MICU1: variants seen among roughly 807,000 people sequenced by gnomAD.
MICU1 encodes calcium uptake protein 1, mitochondrial.
MICU1 carries 45 observed loss-of-function variants against 56.8 expected under a neutral mutation model. That is an observed-to-expected ratio of 0.79 (90% confidence interval 0.62 to 1.02). The LOEUF (loss-of-function observed/expected upper bound fraction) is 1.02, where lower values mean the gene tolerates loss of function less well. Ranked by LOEUF, MICU1 falls within the 50% of genes least tolerant of loss-of-function variation. The pLI is 0.00. For missense variants in MICU1, 504 were observed against 587.1 expected, an observed-to-expected ratio of 0.86 and a Z score of 1.46; for synonymous variants, 186 against 195.1, an observed-to-expected ratio of 0.95 and a Z score of 0.39.
At chr10:72,383,485 T>C (rs1169418229) in intron 10 of MICU1, among the ~76,000 whole-genome samples, 1 of 152,222 alleles carries the variant, frequency 6.6e-6, no homozygotes, top group East Asian at 1.9e-4. Context: ...TGTTTTGCTT[T>C]ACTCACTTAA....
At chr10:72,620,637 A>G (rs1842082005) in intron 1 of MICU1, among the ~76,000 whole-genome samples, 1 of 152,232 alleles carries the variant, frequency 6.6e-6, no homozygotes, top group Non-Finnish European at 1.5e-5. Flanking sequence ...ACTTAATATT[A>G]GTCTAGGAAA....
intron 6 of MICU1, among the ~76,000 whole-genome samples, chr10:72,489,290 T>TCACACACACACA (rs67070756): frequency 2.1e-5 from 3 of 141,648 alleles, no homozygotes; most frequent in South Asian, 2.3e-4. Context: ...CGAGACTCTG[T>TCACACACACACA]CACACACACA....
intron 9 of MICU1, among the ~76,000 whole-genome samples, chr10:72,411,244 G>A (rs1863801046): frequency 6.6e-6 from 1 of 152,144 alleles, no homozygotes; most frequent in Admixed American, 6.6e-5. Flanking sequence ...TCCGGTTTGG[G>A]AAGGTGAACG....
chr10:72,523,995 A>T, intron 5 of MICU1: 2 of 1,275,022 alleles, frequency 1.6e-6, no homozygotes, highest in Non-Finnish European at 2.0e-6. Context: ...GCAACCAAGC[A>T]ACTGCTTATT....
At chr10:72,494,413 A>G (rs1418855693) in intron 6 of MICU1, among the ~76,000 whole-genome samples, 2 of 152,062 alleles carry the variant, frequency 1.3e-5, no homozygotes, top group African/African-American at 4.8e-5. Flanking sequence ...CATAAAGAAA[A>G]AACACTTAGA....
At chr10:72,422,918 C>T (rs924752428) in intron 9 of MICU1, among the ~76,000 whole-genome samples, 2 of 146,956 alleles carry the variant, frequency 1.4e-5, no homozygotes, top group Non-Finnish European at 3.0e-5. Context: ...CCATGTTGGC[C>T]AGGCTGGTCT....
chr10:72,512,418 C>T (rs564599820), intron 5 of MICU1, among the ~76,000 whole-genome samples: 145 of 152,156 alleles, frequency 9.5e-4, no homozygotes, highest in African/African-American at 3.3e-3. Flanking sequence ...CCATACACAG[C>T]TCCTTAAGCC....
intron 6 of MICU1, among the ~76,000 whole-genome samples, chr10:72,479,552 A>C (rs1294299471): frequency 6.6e-6 from 1 of 152,216 alleles, no homozygotes; most frequent in African/African-American, 2.4e-5. Flanking sequence ...TTTTTGGGAC[A>C]GGGTCTTGTT....
At chr10:72,607,632 C>A in intron 1 of MICU1, among the ~76,000 whole-genome samples, 1 of 133,894 alleles carries the variant, frequency 7.5e-6, no homozygotes, top group Non-Finnish European at 1.6e-5. Flanking sequence ...AGCGAAACTC[C>A]ATCTCAAAAA....
At chr10:72,620,223 C>T (rs371752036) in intron 1 of MICU1, among the ~76,000 whole-genome samples, 3 of 152,210 alleles carry the variant, frequency 2.0e-5, no homozygotes, top group East Asian at 3.9e-4. Flanking sequence ...CTCACTCTGT[C>T]GCCCAGGCTG....
chr10:72,424,364 C>T (rs899156697), intron 8 of MICU1, among the ~76,000 whole-genome samples: 5 of 152,096 alleles, frequency 3.3e-5, no homozygotes, highest in Admixed American at 2.6e-4. Context: ...CCACTGGCCT[C>T]GGCCTCCCAA....
chr10:72,368,478 T>C, intron 11 of MICU1, 123 bp from the exon 12 acceptor site: 1 of 1,036,364 alleles, frequency 9.6e-7, no homozygotes, highest in Non-Finnish European at 1.4e-6. Context: ...CCAAACTCAA[T>C]TCTCTTATCC....
intron 1 of MICU1, among the ~76,000 whole-genome samples, chr10:72,615,728 C>T (rs1027601596): frequency 6.6e-6 from 1 of 152,114 alleles, no homozygotes; most frequent in Middle Eastern, 3.2e-3. Context: ...TGGCTCATCA[C>T]GCCTGTAATC....
chr10:72,582,159 C>T (rs1225292500), intron 1 of MICU1, among the ~76,000 whole-genome samples: 1 of 152,142 alleles, frequency 6.6e-6, no homozygotes, highest in African/African-American at 2.4e-5. Context: ...GAACTACTGA[C>T]GTCAGATGAC....
chr10:72,374,223 C>T (rs771343558), intron 11 of MICU1, among the ~76,000 whole-genome samples: 57 of 152,346 alleles, frequency 3.7e-4, no homozygotes, highest in Admixed American at 2.5e-3. Context: ...CCGCTTCAAG[C>T]GATCCTCTCA....
intron 6 of MICU1, among the ~76,000 whole-genome samples, chr10:72,503,969 G>A (rs1867161241): frequency 6.6e-6 from 1 of 151,724 alleles, no homozygotes; most frequent in African/African-American, 2.4e-5. Context: ...AAACACTGCT[G>A]AAAGAAATCA....
chr10:72,409,631 C>T (rs1019139676), intron 9 of MICU1, among the ~76,000 whole-genome samples: 1 of 152,180 alleles, frequency 6.6e-6, no homozygotes, highest in Non-Finnish European at 1.5e-5. Flanking sequence ...GCAGAGGTTG[C>T]AGGGAGCTGA....
At position 72,620,735 on chromosome 10, in the gene MICU1, A is replaced by C. The variant is rs113493218; in HGVS notation, c.-2+5275T>G. Among the ~76,000 whole-genome samples, 427 of 152,294 alleles carry C rather than the reference A, an allele frequency of 2.8e-3. 1 individual carries two copies. The highest frequency in any genetic ancestry group is 9.8e-3 in the African/African-American group (407 of 41,542). ...TCTAGCCATTTCTTGCCTCATAAAC[A>C]GAACTAAAACACCTCTCCCACGATG... On this transcript the variant is annotated intron_variant, in intron 1 of 11. Coordinates refer to ENST00000361114, the MANE Select transcript of MICU1 (RefSeq NM_001195518.2).
chr10:72,553,510 GGCGTGAGCCACT>G (rs1297915438), intron 3 of MICU1, among the ~76,000 whole-genome samples: 1 of 152,144 alleles, frequency 6.6e-6, no homozygotes, highest in Non-Finnish European at 1.5e-5. Context: ...TGGGATTACA[GGCGTGAGCCACT>G]GCGCCCAGCC....
Sources: allele counts gnomAD v4.1 joint callset (sites outside exome capture counted in the v4.1 genomes callset), GRCh38; gene constraint gnomAD v4.1.1; transcripts MANE v1.5; gene names NCBI Gene and HGNC (gene_info 2026-07-23, HGNC 2026-07-21).